The following SAMMSON variants were observed in gnomAD, a reference collection of about 807,000 sequenced individuals.
SAMMSON encodes the protein survival associated mitochondrial melanoma specific oncogenic non-coding RNA.
At chr3:70,038,705 C>A (rs2067095320) in intron 3 of SAMMSON, among the ~76,000 whole-genome samples, 1 of 151,964 alleles carries the variant, frequency 6.6e-6, no homozygotes, top group African/African-American at 2.4e-5. Flanking sequence ...AATGAAATTT[C>A]CTTAAAGTAT....
chr3:70,146,603 A>G (rs906237195), intron 4 of SAMMSON, among the ~76,000 whole-genome samples: 9 of 152,038 alleles, frequency 5.9e-5, no homozygotes, highest in Non-Finnish European at 1.3e-4. Context: ...GATTCCACAA[A>G]TTTCAAAACC....
chr3:70,188,981 A>C (rs931818265), intron 4 of SAMMSON, among the ~76,000 whole-genome samples: 7 of 152,176 alleles, frequency 4.6e-5, no homozygotes, highest in Non-Finnish European at 8.8e-5. Flanking sequence ...TAATGGTTCA[A>C]ACACCCCAAA....
chr3:70,172,219 A>G (rs1401358307), intron 4 of SAMMSON: 2 of 150,486 alleles, frequency 1.3e-5, no homozygotes, highest in Admixed American at 1.3e-4. Context: ...AAGGCTAGTT[A>G]GTTATTGGAA....
At chr3:70,031,755 TG>T (rs1252234009) in intron 3 of SAMMSON, among the ~76,000 whole-genome samples, 1 of 152,158 alleles carries the variant, frequency 6.6e-6, no homozygotes, top group East Asian at 1.9e-4. Context: ...GAAACCAACT[TG>T]GTCTTCCAAG....
intron 4 of SAMMSON, among the ~76,000 whole-genome samples, chr3:70,247,665 A>G (rs566736770): frequency 3.9e-5 from 6 of 151,908 alleles, no homozygotes; most frequent in African/African-American, 1.4e-4. Context: ...AACTATTTTT[A>G]TCCCAATCAT....
At chr3:70,125,739 C>A in intron 4 of SAMMSON, 1 of 674,412 alleles carries the variant, frequency 1.5e-6, no homozygotes, top group Non-Finnish European at 2.7e-6. Context: ...GTGAAGGACA[C>A]GAAAGTATGT....
chr3:70,182,110 C>T (rs953313965), intron 4 of SAMMSON, among the ~76,000 whole-genome samples: 1 of 152,062 alleles, frequency 6.6e-6, no homozygotes, highest in Non-Finnish European at 1.5e-5. Flanking sequence ...ATTTTGCCTT[C>T]AGAAAGGGGC....
intron 7 of SAMMSON, among the ~76,000 whole-genome samples, chr3:70,336,814 T>TTGTG (rs71126494): frequency 0.081 from 10,259 of 126,532 alleles, 388 homozygotes; most frequent in South Asian, 0.087. Context: ...AATAGAAAGT[T>TTGTG]TGTGTGTGTG....
chr3:70,140,325 T>G (rs1576132962), intron 4 of SAMMSON: 1 of 220,890 alleles, frequency 4.5e-6, no homozygotes. Context: ...AAGAGAGCAA[T>G]GCAAGCAGCT....
At chr3:70,301,635 T>C (rs929050201) in intron 7 of SAMMSON, among the ~76,000 whole-genome samples, 1 of 152,140 alleles carries the variant, frequency 6.6e-6, no homozygotes, top group African/African-American at 2.4e-5. Flanking sequence ...AATCTGCGTT[T>C]GCACATATTG....
intron 4 of SAMMSON, among the ~76,000 whole-genome samples, chr3:70,169,009 G>A (rs970061840): frequency 1.3e-5 from 2 of 151,944 alleles, no homozygotes; most frequent in Admixed American, 6.6e-5. Flanking sequence ...ACAAGGGGAA[G>A]ACATCATGGC....
chr3:70,179,843 A>C (rs555262393), intron 4 of SAMMSON, among the ~76,000 whole-genome samples: 1 of 152,196 alleles, frequency 6.6e-6, no homozygotes, highest in African/African-American at 2.4e-5. Flanking sequence ...AAGGACATTA[A>C]GGAAAAGTTC....
chr3:70,028,668 C>T lies in SAMMSON; in HGVS notation n.417+14996C>T, dbSNP rs371663692. 2.8e-4 allele frequency among the ~76,000 whole-genome samples: 42 copies of T among 152,278 alleles called. 1 individual carries two copies. The South Asian group carries it at 8.3e-3, about 30-fold the overall frequency. ...TCCTTTGGGCTGTGTGGTCTATTCTCTTTGTGCTAACCACAGCAAAAACTG... is the reference window on the plus strand; with the variant it reads ...TCCTTTGGGCTGTGTGGTCTATTCTTTTTGTGCTAACCACAGCAAAAACTG... On this transcript the variant is annotated intron_variant and non_coding_transcript_variant, in intron 3 of 9. Transcript: ENST00000642114.
intron 1 of SAMMSON, among the ~76,000 whole-genome samples, chr3:70,006,868 A>T (rs948940129): frequency 2.2e-5 from 3 of 138,470 alleles, no homozygotes; most frequent in Non-Finnish European, 4.5e-5. Flanking sequence ...TCATTGTTCA[A>T]TTCCCACCTA....
intron 4 of SAMMSON, among the ~76,000 whole-genome samples, chr3:70,141,883 C>A (rs2067529122): frequency 6.6e-6 from 1 of 152,074 alleles, no homozygotes; most frequent in East Asian, 1.9e-4. Flanking sequence ...GCTATGTTGC[C>A]TGTCTAGTTC....
intron 9 of SAMMSON, among the ~76,000 whole-genome samples, chr3:70,359,836 A>G (rs1448951496): frequency 6.6e-6 from 1 of 152,126 alleles, no homozygotes; most frequent in Non-Finnish European, 1.5e-5. Context: ...TTTATAATGT[A>G]CTAGGTTAGC....
At chr3:70,112,632 C>G (rs1306842366) in intron 4 of SAMMSON, among the ~76,000 whole-genome samples, 1 of 152,072 alleles carries the variant, frequency 6.6e-6, no homozygotes, top group Non-Finnish European at 1.5e-5. Flanking sequence ...TTGGGTACAT[C>G]TAGAATTTTT....
intron 4 of SAMMSON, among the ~76,000 whole-genome samples, chr3:70,177,305 G>T (rs1701015503): frequency 6.6e-6 from 1 of 152,146 alleles, no homozygotes. Flanking sequence ...ATCTGCACAG[G>T]GTGTGCCATC....
At chr3:70,259,408 T>C (rs1701845188) in intron 6 of SAMMSON, among the ~76,000 whole-genome samples, 2 of 151,788 alleles carry the variant, frequency 1.3e-5, no homozygotes, top group South Asian at 4.2e-4. Context: ...TAAAAATTTA[T>C]TGACTTTTAA....
Sources: allele counts gnomAD v4.1 joint callset (sites outside exome capture counted in the v4.1 genomes callset), GRCh38; gene constraint gnomAD v4.1.1; transcripts MANE v1.5; gene names NCBI Gene and HGNC (gene_info 2026-07-23, HGNC 2026-07-21).